The following VMP1 variants were observed in gnomAD, a reference collection of about 807,000 sequenced individuals.
VMP1 encodes ectopic P-granules autophagy protein 3 homolog.
Under a neutral mutation model 56.0 loss-of-function variants are expected in VMP1, and 11 were observed. The observed-to-expected ratio is 0.20, with a 90% CI of 0.12 to 0.32. The LOEUF (loss-of-function observed/expected upper bound fraction) is 0.32. Ranked by LOEUF, VMP1 falls within the 10% of genes least tolerant of loss-of-function variation. The probability of loss-of-function intolerance (pLI) is 1.00; values close to 1 mark genes in which losing one functional copy is unlikely to be tolerated. For missense variants in VMP1, 296 were observed against 490.3 expected (o/e 0.60, Z 3.74); for synonymous variants, 149 against 165.0 (o/e 0.90, Z 0.74).
chr17:59,719,928 G>C (rs1364422273), intron 1 of VMP1, among the ~76,000 whole-genome samples: 1 of 152,094 alleles, frequency 6.6e-6, no homozygotes, highest in Non-Finnish European at 1.5e-5. Flanking sequence ...TGCATTTCTT[G>C]TATCTATATA....
intron 7 of VMP1, among the ~76,000 whole-genome samples, chr17:59,784,558 T>A (rs2036942759): frequency 6.6e-6 from 1 of 152,180 alleles, no homozygotes; most frequent in Non-Finnish European, 1.5e-5. Flanking sequence ...GAGTCTAAAC[T>A]CCTTAAGAAG....
chr17:59,791,491 C>CT (rs1208305582), intron 7 of VMP1, among the ~76,000 whole-genome samples: 1,481 of 127,084 alleles, frequency 0.012, 21 homozygotes, highest in African/African-American at 0.021. Flanking sequence ...GTGCCCGGCT[C>CT]TTTTTTTTTT....
At chr17:59,805,650 C>T (rs1223105805) in intron 7 of VMP1, among the ~76,000 whole-genome samples, 4 of 129,344 alleles carry the variant, frequency 3.1e-5, no homozygotes, top group Non-Finnish European at 6.6e-5. Context: ...TTGGCAAACT[C>T]AAAATAAAAG....
chr17:59,836,271 G>C (rs2038978794), intron 10 of VMP1, among the ~76,000 whole-genome samples: 1 of 151,524 alleles, frequency 6.6e-6, no homozygotes, highest in Non-Finnish European at 1.5e-5. Context: ...CTGTCACCGA[G>C]GCTGGAGTAC....
At chr17:59,730,274 C>CT (rs544721328) in intron 1 of VMP1, among the ~76,000 whole-genome samples, 52 of 145,546 alleles carry the variant, frequency 3.6e-4, no homozygotes, top group Middle Eastern at 3.5e-3. Flanking sequence ...TTTTCACTTT[C>CT]TTTTTTTTTT....
intron 7 of VMP1, among the ~76,000 whole-genome samples, chr17:59,787,269 C>T (rs1045220968): frequency 6.6e-6 from 1 of 152,160 alleles, no homozygotes; most frequent in African/African-American, 2.4e-5. Context: ...CTTGCTTTCT[C>T]TAGAAGCATT....
intron 1 of VMP1, among the ~76,000 whole-genome samples, chr17:59,724,048 C>T (rs903981847): frequency 2.0e-5 from 3 of 151,660 alleles, no homozygotes; most frequent in Admixed American, 6.6e-5. Context: ...CCAGTCTCTA[C>T]TAAAAATACA....
At chr17:59,721,749 C>CAA (rs1412486419) in intron 1 of VMP1, among the ~76,000 whole-genome samples, 1 of 151,868 alleles carries the variant, frequency 6.6e-6, no homozygotes, top group African/African-American at 2.4e-5. Flanking sequence ...CAAAACAAAA[C>CAA]AATTCTGCAA....
At position 59,735,353 on chromosome 17, in the gene VMP1, A is replaced by G. The variant is rs752440040; in HGVS notation, c.92A>G (p.Asn31Ser). 1.9e-6 allele frequency: 3 copies of G among 1,614,124 alleles called. No homozygotes were observed. The South Asian group carries it at 3.3e-5, about 18-fold the overall frequency. ...TGTTTTTCAGACCCCTCTTCAGTGAATGAAAAGAAGAGGAGGGAGCGGGAA... is the reference window on the plus strand; with the variant it reads ...TGTTTTTCAGACCCCTCTTCAGTGAGTGAAAAGAAGAGGAGGGAGCGGGAA... ...NGNFTDPSSV[N>S]EKKRREREER... is the part of the protein sequence containing the mutation. Residue 31 changes from asparagine (N) to serine (S), a missense_variant, in exon 3 of 12, where the codon AAT (asparagine) becomes AGT (serine). By Grantham distance (46) the Asn-to-Ser change is conservative. Coordinates refer to ENST00000262291, the MANE Select transcript of VMP1 (RefSeq NM_030938.5).
At chr17:59,765,503 A>G (rs1440744336) in intron 6 of VMP1, among the ~76,000 whole-genome samples, 1 of 152,222 alleles carries the variant, frequency 6.6e-6, no homozygotes, top group South Asian at 2.1e-4. Flanking sequence ...CTTAACTGCT[A>G]ATAGCCTACT....
rs2034159707 is a variant in VMP1 at position 59,716,567 on chromosome 17, G to A, written c.-27+8819G>A. Reference sequence around the variant, plus strand: ...TTGAATTTGGACTTGGAAAAGCGAGGTTGAACTCCTGCTTTGACATTTATA... The same window carrying A: ...TTGAATTTGGACTTGGAAAAGCGAGATTGAACTCCTGCTTTGACATTTATA... On this transcript the variant is annotated intron_variant, in intron 1 of 11. Coordinates refer to ENST00000262291, the MANE Select transcript of VMP1 (RefSeq NM_030938.5). 2.6e-5 allele frequency among the ~76,000 whole-genome samples: 4 copies of A among 152,208 alleles called. No individual in the cohort carries two copies. The South Asian group carries it at 6.2e-4, about 24-fold the overall frequency.
chr17:59,757,288 GA>G (rs2035878813), intron 5 of VMP1, among the ~76,000 whole-genome samples: 1 of 142,812 alleles, frequency 7.0e-6, no homozygotes, highest in South Asian at 2.2e-4. Flanking sequence ...TAGATAGATA[GA>G]TAGATGTGGT....
intron 7 of VMP1, among the ~76,000 whole-genome samples, chr17:59,774,437 G>GAAA (rs2036546916): frequency 1.4e-5 from 2 of 139,940 alleles, no homozygotes; most frequent in Middle Eastern, 3.6e-3. Context: ...AAGAAAGAAA[G>GAAA]AAAGAAATCT....
intron 5 of VMP1, among the ~76,000 whole-genome samples, chr17:59,756,511 T>G (rs2035847184): frequency 6.6e-6 from 1 of 152,234 alleles, no homozygotes; most frequent in African/African-American, 2.4e-5. Context: ...GCCTTTGGGA[T>G]CTCACTTGAC....
intron 7 of VMP1, among the ~76,000 whole-genome samples, chr17:59,798,483 G>A (rs955123581): frequency 2.0e-5 from 3 of 152,108 alleles, no homozygotes; most frequent in African/African-American, 7.2e-5. Flanking sequence ...AAAATACATT[G>A]TACTTAGCAA....
chr17:59,746,797 G>A (rs1225806893), intron 5 of VMP1, among the ~76,000 whole-genome samples: 1 of 152,188 alleles, frequency 6.6e-6, no homozygotes, highest in Non-Finnish European at 1.5e-5. Flanking sequence ...CGGAGAGTTG[G>A]TTGGGCTACT....
chr17:59,735,108 C>T (rs2034969581), intron 2 of VMP1, among the ~76,000 whole-genome samples: 1 of 151,926 alleles, frequency 6.6e-6, no homozygotes, highest in Non-Finnish European at 1.5e-5. Context: ...GACGGAGTTC[C>T]ACCATGTTGG....
chr17:59,707,798 C>CT (rs1436248339), intron 1 of VMP1, 50 bp downstream of exon 1: 5 of 152,284 alleles, frequency 3.3e-5, no homozygotes, highest in Non-Finnish European at 5.9e-5. Flanking sequence ...AGGCTGTCCT[C>CT]AGAGCTTGGC....
chr17:59,819,013 ATGTT>A (rs1347086628), intron 10 of VMP1, among the ~76,000 whole-genome samples: 11 of 152,052 alleles, frequency 7.2e-5, no homozygotes, highest in Non-Finnish European at 1.5e-4. Flanking sequence ...GGTCATATAT[ATGTT>A]CATTCTTTTC....
Sources: allele counts gnomAD v4.1 joint callset (sites outside exome capture counted in the v4.1 genomes callset), GRCh38; gene constraint gnomAD v4.1.1; transcripts MANE v1.5; gene names NCBI Gene and HGNC (gene_info 2026-07-23, HGNC 2026-07-21).